STUM: variants seen among roughly 807,000 people sequenced by gnomAD.
STUM encodes protein stum homolog.
In STUM, 8 loss-of-function variants were observed where a neutral mutation model predicts 15.3. That is an observed-to-expected ratio of 0.52 (90% CI 0.31 to 0.94). The LOEUF is 0.94. Among genes scored for constraint, STUM ranks in the 40% least tolerant of loss-of-function variants. The probability of loss-of-function intolerance (pLI) is 0.05; values close to 1 mark genes in which losing one functional copy is unlikely to be tolerated. For missense variants in STUM, 142 were observed against 204.9 expected (o/e 0.69, Z 1.87); for synonymous variants, 78 against 88.7 (o/e 0.88, Z 0.68).
Position 226,549,133 on chromosome 1 carries a change from CG to C in STUM, c.202+28del. On this transcript the variant is annotated intron_variant, in intron 1 of 3. Transcript: ENST00000366788. The surrounding 1 kb of genome is among the most constrained non-coding windows in gnomAD (Gnocchi z 6.8). ...TAAGACACGGCTGCCGCGACCCTTG[CG>C]ACCCCCACCCCGCCGCGGGAGGGCG... 5 of 1,552,444 alleles carry C rather than the reference CG, an allele frequency of 3.2e-6. No individual in the cohort carries two copies. Among genetic ancestry groups the C allele is most frequent in the Non-Finnish European group, 4.4e-6 (5 of 1,148,084 alleles).
chr1:226,591,217 T>A (rs145613333), intron 1 of STUM, among the ~76,000 whole-genome samples: 1 of 152,380 alleles, frequency 6.6e-6, no homozygotes, highest in East Asian at 1.9e-4. Flanking sequence ...CTACCTTTTA[T>A]GGCATGTGGT....
chr1:226,583,999 T>C (rs1667957859), intron 1 of STUM, among the ~76,000 whole-genome samples: 1 of 152,078 alleles, frequency 6.6e-6, no homozygotes, highest in South Asian at 2.1e-4. Flanking sequence ...TCTCAAAATT[T>C]AGTGGTGCGA....
intron 1 of STUM, among the ~76,000 whole-genome samples, chr1:226,557,706 A>G (rs976095530): frequency 2.0e-5 from 3 of 152,276 alleles, no homozygotes; most frequent in South Asian, 4.1e-4. Context: ...TTATAGGCCC[A>G]TATCCTTAAT....
intron 1 of STUM, among the ~76,000 whole-genome samples, chr1:226,581,561 GTTTA>G (rs534890461): frequency 2.6e-5 from 4 of 152,084 alleles, no homozygotes; most frequent in Non-Finnish European, 5.9e-5. Flanking sequence ...TCTTCCTCTT[GTTTA>G]TTTATTTATT....
chr1:226,575,444 A>C (rs1249179075), intron 1 of STUM, among the ~76,000 whole-genome samples: 1 of 152,198 alleles, frequency 6.6e-6, no homozygotes, highest in East Asian at 1.9e-4. Flanking sequence ...CCCTGCCGGC[A>C]GGCACCCAGG....
At position 226,604,696 on chromosome 1, in the gene STUM, A is replaced by G. The variant is rs1424834108; in HGVS notation, c.*2656A>G. The G allele has an allele frequency of 6.6e-6, 1 of 152,274 alleles. No homozygotes were observed. Among genetic ancestry groups the G allele is most frequent in the Non-Finnish European group, 1.5e-5 (1 of 68,054 alleles). 9.4% of individuals were successfully genotyped at this position (152,274 alleles called of 1,614,324 possible). Reference sequence around the variant, plus strand: ...GAAAATTAGGGTTCTCGTGCAGGCAAGTGCATGGTTGACACACAGCCCTTT... The same window carrying G: ...GAAAATTAGGGTTCTCGTGCAGGCAGGTGCATGGTTGACACACAGCCCTTT... On this transcript the variant is annotated 3_prime_UTR_variant, in exon 4 of 4. Coordinates refer to ENST00000366788, the MANE Select transcript of STUM (RefSeq NM_001003665.4). The surrounding 1 kb of genome is among the most constrained non-coding windows in gnomAD (Gnocchi z 4.7).
intron 1 of STUM, among the ~76,000 whole-genome samples, chr1:226,580,155 G>T (rs1466081796): frequency 6.6e-6 from 1 of 152,118 alleles, no homozygotes; most frequent in African/African-American, 2.4e-5. Context: ...GGTCTCAGAT[G>T]GGCTGTGTGG....
chr1:226,562,345 T>C (rs1177907408), intron 1 of STUM, among the ~76,000 whole-genome samples: 1 of 151,974 alleles, frequency 6.6e-6, no homozygotes, highest in Non-Finnish European at 1.5e-5. Context: ...GGTGCATGCC[T>C]GTAGTCTCAG....
Position 226,602,343 on chromosome 1 carries a change from C to T in STUM, c.*303C>T. 1 of 424,164 alleles carries T rather than the reference C, an allele frequency of 2.4e-6. No individual in the cohort carries two copies. Among genetic ancestry groups the T allele is most frequent in the South Asian group, 3.0e-5 (1 of 33,832 alleles). 26.3% of individuals were successfully genotyped at this position (424,164 alleles called of 1,614,324 possible). Reference sequence around the variant, plus strand: ...GATGCTCCGGCAGGCTCCAACTGGCCTTGCTGTACCCACTGCCCACCGCAA... The same window carrying T: ...GATGCTCCGGCAGGCTCCAACTGGCTTTGCTGTACCCACTGCCCACCGCAA... On this transcript the variant is annotated 3_prime_UTR_variant, in exon 4 of 4. Coordinates refer to ENST00000366788, the MANE Select transcript of STUM (RefSeq NM_001003665.4).
chr1:226,553,500 G>A (rs375418027), intron 1 of STUM, among the ~76,000 whole-genome samples: 3 of 152,192 alleles, frequency 2.0e-5, no homozygotes, highest in Non-Finnish European at 4.4e-5. Flanking sequence ...AACAATAAAT[G>A]GAGTGGGAAG....
chr1:226,602,225 TG>T lies in STUM; in HGVS notation c.*186del, dbSNP rs1668280145. On this transcript the variant is annotated 3_prime_UTR_variant, in exon 4 of 4. Coordinates refer to ENST00000366788, the MANE Select transcript of STUM (RefSeq NM_001003665.4). ...GCTTTTCTCAGCAGGTTGTGAGGGC[TG>T]CCAGCCCCTCCTGCTCTGGAAAGCA... The T allele has an allele frequency of 3.4e-6, 2 of 588,740 alleles. No individual in the cohort carries two copies. The highest frequency in any genetic ancestry group is 3.7e-5 in the African/African-American group (2 of 53,598). 36.5% of individuals were successfully genotyped at this position (588,740 alleles called of 1,614,324 possible).
chr1:226,593,630 G>A (rs1668125012), intron 1 of STUM, among the ~76,000 whole-genome samples: 3 of 152,162 alleles, frequency 2.0e-5, no homozygotes, highest in Admixed American at 6.5e-5. Flanking sequence ...CCCCCAGAAA[G>A]GAAGCTCCAG....
At chr1:226,594,805 C>G (rs954452780) in intron 1 of STUM, among the ~76,000 whole-genome samples, 4 of 152,202 alleles carry the variant, frequency 2.6e-5, no homozygotes, top group African/African-American at 9.6e-5. Context: ...CAGGCGCCCG[C>G]CACCACATCC....
At chr1:226,572,632 T>C (rs776602123) in intron 1 of STUM, among the ~76,000 whole-genome samples, 2 of 152,212 alleles carry the variant, frequency 1.3e-5, no homozygotes, top group Admixed American at 6.5e-5. Flanking sequence ...CCCAAGTCCC[T>C]GAGTCGGCCT....
chr1:226,595,640 C>G (rs1244820302), intron 1 of STUM, among the ~76,000 whole-genome samples: 1 of 152,206 alleles, frequency 6.6e-6, no homozygotes, highest in Non-Finnish European at 1.5e-5. Context: ...GGAGAGCATC[C>G]TGGATTACCC....
At chr1:226,586,709 T>C (rs1185111648) in intron 1 of STUM, among the ~76,000 whole-genome samples, 1 of 152,164 alleles carries the variant, frequency 6.6e-6, no homozygotes, top group Non-Finnish European at 1.5e-5. Flanking sequence ...TACCCATCCA[T>C]GGAAATGTCA....
chr1:226,591,316 TAGA>T (rs1440662681), intron 1 of STUM, among the ~76,000 whole-genome samples: 1 of 152,214 alleles, frequency 6.6e-6, no homozygotes, highest in Non-Finnish European at 1.5e-5. Flanking sequence ...GTGCACATGA[TAGA>T]AGTCAGTATG....
At chr1:226,568,545 TA>T (rs971569663) in intron 1 of STUM, among the ~76,000 whole-genome samples, 2 of 152,224 alleles carry the variant, frequency 1.3e-5, no homozygotes, top group African/African-American at 2.4e-5. Context: ...TTAATTTTTT[TA>T]AAAAAGTTTA....
Position 226,548,915 on chromosome 1 carries a change from C to T in STUM, c.11C>T (p.Ser4Leu), listed in dbSNP as rs563344797. Reference protein sequence around the residue: MEPSHKDAETAAAA... With the variant: MEPLHKDAETAAAA... ...AGAGCGCGCCCGGCCATGGAGCCCT[C>T]GCACAAAGACGCCGAGACGGCGGCG... The change falls in exon 1 of 4, where the codon TCG (serine) becomes TTG (leucine). Residue 4 changes from serine to leucine, a missense_variant. Physicochemically the swap from Ser to Leu is moderately radical, Grantham distance 145. Around this residue, in one of 2 missense-constraint regions of STUM, gnomAD observed 113 missense variants for 134.4 expected, o/e 0.84. Transcript: ENST00000366788. 22 of 1,423,332 alleles carry T rather than the reference C, an allele frequency of 1.5e-5. No homozygotes were observed. In the East Asian group the frequency reaches 5.4e-4, roughly 35 times the overall value. The allele number at this position is 1,423,332 out of a possible 1,614,324, so 88.2% of individuals were successfully genotyped here. A position where few individuals can be genotyped will look rare whatever the true frequency, so the allele number is the denominator to read the frequency against.
Sources: gnomAD v4.1 joint callset for allele counts (sites outside exome capture counted in the v4.1 genomes callset) on GRCh38, gnomAD v4.1.1 for gene constraint, gnomAD v4.1.1 regional missense constraint, Gnocchi (gnomAD v3.1) non-coding constraint, MANE v1.5 for transcripts, NCBI Gene and HGNC (gene_info 2026-07-23, HGNC 2026-07-21) for gene names.